The following CMSS1 variants were observed in gnomAD, a reference collection of about 807,000 sequenced individuals.
The protein encoded by CMSS1 is protein CMSS1.
In CMSS1, 33 loss-of-function variants were observed where a neutral mutation model predicts 43.5. The observed-to-expected ratio is 0.76, with a 90% CI of 0.57 to 1.01. The LOEUF is 1.01. Ranked by LOEUF, CMSS1 falls within the 50% of genes least tolerant of loss-of-function variation. CMSS1 has a pLI of 0.00. For synonymous variants in CMSS1, 115 were observed against 117.2 expected (o/e 0.98, Z 0.12); for missense variants, 313 against 326.4 (o/e 0.96, Z 0.32).
At chr3:100,126,082 C>T (rs1196201238) in intron 1 of CMSS1, among the ~76,000 whole-genome samples, 1 of 152,156 alleles carries the variant, frequency 6.6e-6, no homozygotes, top group African/African-American at 2.4e-5. Context: ...TGTCTCTTCC[C>T]CTGTAGTACA....
At chr3:99,904,218 G>A (rs1422440051) in intron 1 of CMSS1, among the ~76,000 whole-genome samples, 1 of 152,160 alleles carries the variant, frequency 6.6e-6, no homozygotes, top group East Asian at 1.9e-4. Flanking sequence ...AGGTCTATAA[G>A]GGCCATAGGC....
intron 1 of CMSS1, among the ~76,000 whole-genome samples, chr3:100,055,375 T>C (rs2065447347): frequency 6.6e-6 from 1 of 152,200 alleles, no homozygotes. Flanking sequence ...TCAAGGTGAC[T>C]GTATGATCCA....
chr3:100,003,420 A>G (rs752147841), intron 1 of CMSS1, among the ~76,000 whole-genome samples: 6 of 152,198 alleles, frequency 3.9e-5, no homozygotes, highest in African/African-American at 7.2e-5. Context: ...CAATGCACCT[A>G]GAATAAACCT....
chr3:99,829,794 G>A (rs1232358426), intron 1 of CMSS1, among the ~76,000 whole-genome samples: 2 of 152,144 alleles, frequency 1.3e-5, no homozygotes, highest in Non-Finnish European at 2.9e-5. Flanking sequence ...CAGTGGTCAG[G>A]TATGCTTACT....
intron 1 of CMSS1, among the ~76,000 whole-genome samples, chr3:99,914,585 T>C (rs1706893570): frequency 6.6e-6 from 1 of 152,204 alleles, no homozygotes; most frequent in African/African-American, 2.4e-5. Context: ...GGTAAAGTTA[T>C]AAAGTAAGAA....
At chr3:99,995,280 T>G (rs923988719) in intron 1 of CMSS1, among the ~76,000 whole-genome samples, 1 of 152,128 alleles carries the variant, frequency 6.6e-6, no homozygotes, top group Non-Finnish European at 1.5e-5. Context: ...AGTGGGGCAG[T>G]CAAATTTTAA....
intron 1 of CMSS1, among the ~76,000 whole-genome samples, chr3:99,818,685 T>C (rs921583582): frequency 7.9e-5 from 12 of 152,232 alleles, no homozygotes; most frequent in Non-Finnish European, 1.3e-4. Flanking sequence ...AACTCACTTA[T>C]TTTACAGATG....
At chr3:100,132,684 TGGC>T (rs1159817296) in intron 1 of CMSS1, among the ~76,000 whole-genome samples, 1 of 151,590 alleles carries the variant, frequency 6.6e-6, no homozygotes, top group Non-Finnish European at 1.5e-5. Flanking sequence ...CCGAGCATGG[TGGC>T]GGGCGCCTAT....
intron 2 of CMSS1, chr3:100,160,001 C>G (rs1379172658): frequency 4.5e-6 from 2 of 442,760 alleles, no homozygotes; most frequent in African/African-American, 4.0e-5. Context: ...AAACCAGTGA[C>G]TTGGAAATGT....
intron 1 of CMSS1, among the ~76,000 whole-genome samples, chr3:100,003,710 C>T (rs1709908125): frequency 6.6e-6 from 1 of 152,126 alleles, no homozygotes; most frequent in South Asian, 2.1e-4. Context: ...GATCTATGAT[C>T]TTCATACTTG....
intron 1 of CMSS1, among the ~76,000 whole-genome samples, chr3:100,142,238 A>G (rs1190850944): frequency 1.3e-5 from 2 of 152,196 alleles, no homozygotes; most frequent in African/African-American, 4.8e-5. Flanking sequence ...AATATGTTAC[A>G]GTCAGCCCTC....
intron 1 of CMSS1, among the ~76,000 whole-genome samples, chr3:99,893,162 CTTTTT>C (rs1200176411): frequency 9.3e-6 from 1 of 107,648 alleles, no homozygotes; most frequent in African/African-American, 3.4e-5. Context: ...GGCATCTAGA[CTTTTT>C]TTTTTTTTTT....
At chr3:99,889,481 T>C (rs1272112060) in intron 1 of CMSS1, among the ~76,000 whole-genome samples, 1 of 152,116 alleles carries the variant, frequency 6.6e-6, no homozygotes, top group African/African-American at 2.4e-5. Flanking sequence ...GAGTCTCATA[T>C]AAATAACGTA....
chr3:100,104,379 TCTGAG>T (rs2066359458), intron 1 of CMSS1, among the ~76,000 whole-genome samples: 1 of 152,216 alleles, frequency 6.6e-6, no homozygotes, highest in South Asian at 2.1e-4. Context: ...ATTCAATAAC[TCTGAG>T]CTACACTTTT....
At chr3:100,155,863 G>C (rs1223662588) in intron 2 of CMSS1, among the ~76,000 whole-genome samples, 1 of 152,014 alleles carries the variant, frequency 6.6e-6, no homozygotes, top group Non-Finnish European at 1.5e-5. Context: ...TAGAAATCTT[G>C]GCACTATTCT....
intron 1 of CMSS1, among the ~76,000 whole-genome samples, chr3:99,980,600 T>C (rs758756168): frequency 6.6e-6 from 1 of 152,204 alleles, no homozygotes; most frequent in Non-Finnish European, 1.5e-5. Context: ...TTACTGGCTT[T>C]CAGCAGTTTT....
chr3:99,844,159 A>G (rs1250256694), intron 1 of CMSS1, among the ~76,000 whole-genome samples: 1 of 152,150 alleles, frequency 6.6e-6, no homozygotes, highest in Admixed American at 6.5e-5. Context: ...CTTACAGCAT[A>G]TTGCTAGCCC....
intron 1 of CMSS1, among the ~76,000 whole-genome samples, chr3:99,839,391 G>A (rs879691667): frequency 1.3e-5 from 2 of 152,190 alleles, no homozygotes; most frequent in Non-Finnish European, 2.9e-5. Flanking sequence ...GTTGAGGAAT[G>A]AAGGAAGCCT....
chr3:99,860,737 AG>A (rs1006306320), intron 1 of CMSS1, among the ~76,000 whole-genome samples: 1 of 152,190 alleles, frequency 6.6e-6, no homozygotes, highest in Non-Finnish European at 1.5e-5. Flanking sequence ...TGGAACTGAC[AG>A]GGGAGTGACA....
Sources: gnomAD v4.1 joint callset for allele counts (sites outside exome capture counted in the v4.1 genomes callset) on GRCh38, gnomAD v4.1.1 for gene constraint, MANE v1.5 for transcripts, NCBI Gene and HGNC (gene_info 2026-07-23, HGNC 2026-07-21) for gene names.